SNX29: variants seen among roughly 807,000 people sequenced by gnomAD.
The protein encoded by SNX29 is sorting nexin-29.
SNX29 carries 78 observed loss-of-function variants against 102.1 expected under a neutral mutation model. The observed-to-expected ratio is 0.76, with a 90% confidence interval of 0.64 to 0.92. The LOEUF (loss-of-function observed/expected upper bound fraction) is 0.92, where lower values mean the gene tolerates loss of function less well. SNX29 is among the 40% of genes least tolerant of loss of function. The pLI is 0.00. For missense variants in SNX29, 1,280 were observed against 1,061.7 expected (o/e 1.21, Z -2.86); for synonymous variants, 580 against 414.5 (o/e 1.40, Z -4.85).
At chr16:12,488,150 A>G (rs1449404455) in intron 19 of SNX29, among the ~76,000 whole-genome samples, 1 of 152,210 alleles carries the variant, frequency 6.6e-6, no homozygotes, top group Non-Finnish European at 1.5e-5. Flanking sequence ...AAAAAAAATT[A>G]AGGTCATTTA....
chr16:12,113,326 C>T (rs1454643954), intron 11 of SNX29, among the ~76,000 whole-genome samples: 2 of 152,168 alleles, frequency 1.3e-5, no homozygotes, highest in Non-Finnish European at 2.9e-5. Context: ...ACATCCATGG[C>T]TGCAAGGGAG....
At chr16:12,528,066 TCC>T in intron 20 of SNX29, among the ~76,000 whole-genome samples, 1 of 152,000 alleles carries the variant, frequency 6.6e-6, no homozygotes, top group African/African-American at 2.4e-5. Flanking sequence ...ACCCCGTTAT[TCC>T]CCCACCTTGG....
chr16:12,181,329 T>A (rs550754657), intron 13 of SNX29, among the ~76,000 whole-genome samples: 1 of 152,324 alleles, frequency 6.6e-6, no homozygotes. Flanking sequence ...TAGGGAGACA[T>A]GAGGCATCAA....
chr16:12,109,362 C>T (rs909941852), intron 11 of SNX29, among the ~76,000 whole-genome samples: 1 of 151,964 alleles, frequency 6.6e-6, no homozygotes, highest in Non-Finnish European at 1.5e-5. Flanking sequence ...GGCCCACTCC[C>T]GTGGTACCCC....
rs190619362 is a variant in SNX29 at position 12,515,722 on chromosome 16, C to T, written c.2179-8980C>T. The T allele has an allele frequency of 2.6e-3, 1,115 of 428,146 alleles. 9 individuals carry two copies. The highest frequency in any genetic ancestry group is 4.2e-3 in the Non-Finnish European group (877 of 210,772). 26.5% of individuals were successfully genotyped at this position (428,146 alleles called of 1,614,324 possible). A position where few individuals can be genotyped will look rare whatever the true frequency, so the allele number is the denominator to read the frequency against. On this transcript the variant is annotated intron_variant, in intron 19 of 20. Transcript: ENST00000566228. Reference sequence around the variant, plus strand: ...TGTTGGCTCTACTGGATCTAAGCTCCGGAGGGCAGGGGTCACATCTGTTTG... The same window carrying T: ...TGTTGGCTCTACTGGATCTAAGCTCTGGAGGGCAGGGGTCACATCTGTTTG...
intron 9 of SNX29, among the ~76,000 whole-genome samples, chr16:12,068,131 G>T (rs1567177066): frequency 6.6e-6 from 1 of 152,038 alleles, no homozygotes. Flanking sequence ...CCCGGTTTCT[G>T]GCCCTGGTTC....
chr16:12,572,112 A>AG lies in SNX29; in HGVS notation c.*3483_*3484insG. The AG allele has an allele frequency of 9.5e-7, 1 of 1,048,526 alleles. No homozygotes were observed. Among genetic ancestry groups the AG allele is most frequent in the Non-Finnish European group, 1.2e-6 (1 of 864,418 alleles). The allele number at this position is 1,048,526 out of a possible 1,614,324, so 65.0% of individuals were successfully genotyped here. On this transcript the variant is annotated 3_prime_UTR_variant, in exon 21 of 21. Transcript: ENST00000566228. ...GGAGGGATGTGGACTGGGTCTGATC[A>AG]CAGCCCTTGGCCCTGCTTCATACTT...
At chr16:12,418,756 C>G (rs998780738) in intron 18 of SNX29, among the ~76,000 whole-genome samples, 1 of 152,144 alleles carries the variant, frequency 6.6e-6, no homozygotes, top group Non-Finnish European at 1.5e-5. Context: ...CTCAAGTGAT[C>G]CACCCACCTT....
At chr16:12,232,970 C>T (rs1047600252) in intron 14 of SNX29, among the ~76,000 whole-genome samples, 1 of 152,264 alleles carries the variant, frequency 6.6e-6, no homozygotes, top group African/African-American at 2.4e-5. Context: ...CCCAGCCTGG[C>T]AAGTTGTAGT....
intron 13 of SNX29, among the ~76,000 whole-genome samples, chr16:12,148,376 A>C (rs1567250605): frequency 6.6e-6 from 1 of 152,190 alleles, no homozygotes; most frequent in Non-Finnish European, 1.5e-5. Flanking sequence ...AGGAGCTGTT[A>C]GGGCTGAACT....
At chr16:12,512,427 T>C (rs2089673287) in intron 19 of SNX29, among the ~76,000 whole-genome samples, 1 of 127,574 alleles carries the variant, frequency 7.8e-6, no homozygotes, top group Admixed American at 8.0e-5. Context: ...TAGTTTTCGG[T>C]TTTTGAGACA....
At chr16:12,532,619 T>C (rs757457095) in intron 20 of SNX29, among the ~76,000 whole-genome samples, 1 of 152,206 alleles carries the variant, frequency 6.6e-6, no homozygotes, top group African/African-American at 2.4e-5. Flanking sequence ...GGAAACACTC[T>C]TTGGGATGCG....
In SNX29 at chr16:12,560,804, A is replaced by T. The variant is rs1482387711; in HGVS notation, c.2319-7702A>T. 1.3e-4 allele frequency: 24 copies of T among 178,466 alleles called. No individual in the cohort carries two copies. In the Admixed American group the frequency reaches 1.5e-3, roughly 11 times the overall value. 11.1% of individuals were successfully genotyped at this position (178,466 alleles called of 1,614,324 possible). On this transcript the variant is annotated intron_variant, in intron 20 of 20. Transcript: ENST00000566228. The stretch of plus-strand genomic sequence containing the variant: ...TATTTTCCATGCCCTTAAGATTAGG[A>T]TGGTAATTACAGCACCCATTTCACA...
At chr16:12,244,237 G>T (rs368960126) in intron 14 of SNX29, among the ~76,000 whole-genome samples, 9 of 152,194 alleles carry the variant, frequency 5.9e-5, no homozygotes, top group African/African-American at 2.2e-4. Flanking sequence ...GGCCTTGGGG[G>T]TTGGAGACCC....
rs2079183814 is a variant in SNX29 at position 12,571,367 on chromosome 16, G to C, written c.*2738G>C. 4.3e-6 allele frequency: 1 copy of C among 231,452 alleles called. No homozygotes were observed. Among genetic ancestry groups the C allele is most frequent in the Non-Finnish European group, 8.5e-6 (1 of 117,006 alleles). The allele number at this position is 231,452 out of a possible 1,614,324, so 14.3% of individuals were successfully genotyped here. ...GGCTAAGCCACGACCTTATCCATGA[G>C]TGGCGAAGACACCCCTGAGGAAAGG... On this transcript the variant is annotated 3_prime_UTR_variant, in exon 21 of 21. Transcript: ENST00000566228.
intron 7 of SNX29, among the ~76,000 whole-genome samples, chr16:12,050,297 C>G (rs940693220): frequency 6.6e-6 from 1 of 152,194 alleles, no homozygotes; most frequent in Admixed American, 6.5e-5. Context: ...GTCTTACATC[C>G]AAGTGTGATG....
intron 16 of SNX29, among the ~76,000 whole-genome samples, chr16:12,387,073 C>T (rs983082502): frequency 4.0e-5 from 6 of 151,126 alleles, no homozygotes; most frequent in African/African-American, 7.3e-5. Flanking sequence ...TGCAGTGAGC[C>T]GAGATTGTGC....
At chr16:12,213,629 C>G (rs920008818) in intron 14 of SNX29, among the ~76,000 whole-genome samples, 2 of 152,188 alleles carry the variant, frequency 1.3e-5, no homozygotes, top group Non-Finnish European at 2.9e-5. Flanking sequence ...GGTCACAGCA[C>G]ATTAGCAGAC....
At chr16:12,101,998 T>C (rs1447056105) in intron 11 of SNX29, among the ~76,000 whole-genome samples, 1 of 152,152 alleles carries the variant, frequency 6.6e-6, no homozygotes, top group African/African-American at 2.4e-5. Context: ...CTCCCACCTA[T>C]GAGTGAGAAC....
Sources: gnomAD v4.1 joint callset for allele counts (sites outside exome capture counted in the v4.1 genomes callset) on GRCh38, gnomAD v4.1.1 for gene constraint, MANE v1.5 for transcripts, NCBI Gene and HGNC (gene_info 2026-07-23, HGNC 2026-07-21) for gene names.